Variants in ALYREF observed in about 807,000 individuals in gnomAD.
The protein encoded by ALYREF is Aly/REF export factor, also known as THO complex subunit 4.
In ALYREF, 1 loss-of-function variant was observed where a neutral mutation model predicts 25.2. The ratio of observed to expected loss-of-function variants is 0.04; its 90% CI spans 0.01 to 0.19. ALYREF has a LOEUF of 0.19. ALYREF is among the 10% of genes least tolerant of loss of function. The pLI is 1.00. For synonymous variants in ALYREF, 193 were observed against 153.5 expected (o/e 1.26, Z -1.90); for missense variants, 328 against 375.6 (o/e 0.87, Z 1.05).
At chr17:81,890,516 C>T (rs1387689128) in intron 2 of ALYREF, among the ~76,000 whole-genome samples, 173 bp downstream of exon 2, 1 of 152,220 alleles carries the variant, frequency 6.6e-6, no homozygotes, top group East Asian at 1.9e-4. Flanking sequence ...GCTAGGCTCG[C>T]ACCTGCCTGC....
intron 3 of ALYREF, 127 bp downstream of exon 3, chr17:81,889,053 AAG>A: frequency 6.8e-7 from 1 of 1,471,922 alleles, no homozygotes; most frequent in Non-Finnish European, 9.1e-7. Flanking sequence ...TGGCAGATGG[AAG>A]AGAGAGACAA....
intron 2 of ALYREF, 120 bp from the exon 3 acceptor site, chr17:81,889,449 G>C: frequency 8.6e-7 from 1 of 1,169,438 alleles, no homozygotes; most frequent in Non-Finnish European, 1.2e-6. Flanking sequence ...AGGCAGGACA[G>C]TGGTTAACGG....
At chr17:81,889,420 T>C in intron 2 of ALYREF, 91 bp from the exon 3 acceptor site, 3 of 1,464,034 alleles carry the variant, frequency 2.0e-6, no homozygotes, top group Non-Finnish European at 2.8e-6. Flanking sequence ...GTGAGTTGCT[T>C]TGGGGGTGGT....
chr17:81,889,432 C>G, intron 2 of ALYREF, 103 bp from the exon 3 acceptor site: 2 of 1,350,162 alleles, frequency 1.5e-6, no homozygotes. Flanking sequence ...GGGGGTGGTT[C>G]TCTGGGAGGC....
intron 1 of ALYREF, 65 bp from the exon 2 acceptor site, chr17:81,890,885 C>T: frequency 6.2e-7 from 1 of 1,607,572 alleles, no homozygotes; most frequent in Non-Finnish European, 8.5e-7. Flanking sequence ...CTGACCCTCA[C>T]GGCTACTCCG....
intron 2 of ALYREF, chr17:81,889,860 C>G (rs1207802713): frequency 6.5e-6 from 1 of 154,798 alleles, no homozygotes; most frequent in Non-Finnish European, 1.4e-5. Flanking sequence ...TGACCTCAGG[C>G]AGGCTGGGAG....
rs193202460 is a variant in ALYREF, at chr17:81,888,078, G to A, written c.*53C>T. ...GCCCCAGCCACCGCCCCCCAACCAG[G>A]GAGCAAGAGGAGACGCCTGGGTCCT... On this transcript the variant is annotated 3_prime_UTR_variant, in exon 6 of 6. Coordinates refer to ENST00000505490, the MANE Select transcript of ALYREF (RefSeq NM_005782.4). This position sits in a 1 kb window ranked among gnomAD's most constrained non-coding sequence, Gnocchi z 5.8. 424 of 1,612,230 alleles carry A rather than the reference G, an allele frequency of 2.6e-4. No individual in the cohort carries two copies. Among genetic ancestry groups the A allele is most frequent in the Middle Eastern group, 5.6e-4 (3 of 5,370 alleles).
At chr17:81,891,076 C>A in intron 1 of ALYREF, 1 of 669,876 alleles carries the variant, frequency 1.5e-6, no homozygotes, top group South Asian at 2.0e-5. Context: ...TCTCCTGCCA[C>A]GAGGCCCCAA....
rs1463422395 is a variant in ALYREF at position 81,888,020 on chromosome 17, CAT to C, written c.*109_*110del. The C allele has an allele frequency of 2.9e-6, 3 of 1,037,926 alleles. No homozygotes were observed. In the African/African-American group the frequency reaches 5.1e-5, roughly 18 times the overall value. 64.3% of individuals were successfully genotyped at this position (1,037,926 alleles called of 1,614,324 possible). ...TGAGTTTTTAAATCCTATTTTAAAA[CAT>C]AAAAGAAACAAATCCATCATTGGCC... On this transcript the variant is annotated 3_prime_UTR_variant, in exon 6 of 6. Coordinates refer to ENST00000505490, the MANE Select transcript of ALYREF (RefSeq NM_005782.4). The surrounding 1 kb of genome is among the most constrained non-coding windows in gnomAD (Gnocchi z 5.8).
chr17:81,890,354 CA>C (rs1278845680), intron 2 of ALYREF, among the ~76,000 whole-genome samples: 2 of 152,104 alleles, frequency 1.3e-5, no homozygotes, highest in African/African-American at 4.8e-5. Flanking sequence ...AAGACAGGCA[CA>C]AAATTTAAAA....
chr17:81,889,065 A>G (rs2039468111), intron 3 of ALYREF, 117 bp downstream of exon 3: 2 of 1,486,624 alleles, frequency 1.3e-6, no homozygotes, highest in Non-Finnish European at 1.8e-6. Flanking sequence ...GAGAGAGACA[A>G]AGGGGCAAAT....
chr17:81,890,671 G>T lies in ALYREF; in HGVS notation c.390+18C>A. 2 of 1,612,278 alleles carry T rather than the reference G, an allele frequency of 1.2e-6. No individual in the cohort carries two copies. On this transcript the variant is annotated intron_variant, in intron 2 of 5. Transcript: ENST00000505490. ...CTGTGCAGGGCGAACGGCTCACCGA[G>T]AAGCCCTCGTCTCTTACCTGAATAT...
chr17:81,891,422 C>T lies in ALYREF; in HGVS notation c.159G>A (p.Ala53=). The T allele has an allele frequency of 9.8e-7, 1 of 1,022,626 alleles. No individual in the cohort carries two copies. The highest frequency in any genetic ancestry group is 1.2e-6 in the Non-Finnish European group (1 of 856,896). 63.3% of individuals were successfully genotyped at this position (1,022,626 alleles called of 1,614,324 possible). ...TGGGCCCGCCGCCTCGATTCACTCG[C>T]GCGGCGGCCTGCGCCCCACCGCCGC... ...GGRGGGAQAA[A]RVNRGGGPIR... The change falls in exon 1 of 6, where the codon GCG becomes GCA. Residue 53 remains alanine, a synonymous_variant. Coordinates refer to ENST00000505490, the MANE Select transcript of ALYREF (RefSeq NM_005782.4).
At position 81,890,833 on chromosome 17, in the gene ALYREF, C is replaced by T. The variant is rs2039506897; in HGVS notation, c.259-13G>A. 6.2e-7 allele frequency: 1 copy of T among 1,613,720 alleles called. No homozygotes were observed. The highest frequency in any genetic ancestry group is 1.1e-5 in the South Asian group (1 of 91,060). ...GAAGTTGTTTTGGCTGAAAAAAAAA[C>T]CGCAACAAGAGCAGATCTGTGAGTC... On this transcript the variant is annotated splice_polypyrimidine_tract_variant and intron_variant, in intron 1 of 5. Coordinates refer to ENST00000505490, the MANE Select transcript of ALYREF (RefSeq NM_005782.4).
chr17:81,888,884 T>C lies in ALYREF; in HGVS notation c.538+298A>G. ...CGAAGAAGAACCGGTACCTTTGTCT[T>C]TACGACTACAGCCCCGCACTCAGAG... On this transcript the variant is annotated intron_variant, in intron 3 of 5. Coordinates refer to ENST00000505490, the MANE Select transcript of ALYREF (RefSeq NM_005782.4). This position sits in a 1 kb window ranked among gnomAD's most constrained non-coding sequence, Gnocchi z 5.8. 7.1e-7 allele frequency: 1 copy of C among 1,407,702 alleles called. No individual in the cohort carries two copies. The highest frequency in any genetic ancestry group is 2.6e-5 in the East Asian group (1 of 38,754). 87.2% of individuals were successfully genotyped at this position (1,407,702 alleles called of 1,614,324 possible).
At chr17:81,889,463 A>G in intron 2 of ALYREF, 134 bp from the exon 3 acceptor site, 1 of 1,034,348 alleles carries the variant, frequency 9.7e-7, no homozygotes, top group Non-Finnish European at 1.4e-6. Context: ...TTAACGGGAA[A>G]TGAGGGAAGG....
Position 81,888,485 on chromosome 17 carries a change from G to A in ALYREF, c.602+35C>T, listed in dbSNP as rs558544991. On this transcript the variant is annotated intron_variant, in intron 4 of 5. Transcript: ENST00000505490. This position sits in a 1 kb window ranked among gnomAD's most constrained non-coding sequence, Gnocchi z 5.8. Reference sequence around the variant, plus strand: ...CTAAGAGCGACGCAGCCTCACCCTCGGCCAATCCCCTTCCCCAGAGGCCCC... The same window carrying A: ...CTAAGAGCGACGCAGCCTCACCCTCAGCCAATCCCCTTCCCCAGAGGCCCC... The A allele has an allele frequency of 2.2e-5, 36 of 1,602,768 alleles. No individual in the cohort carries two copies. Among genetic ancestry groups the A allele is most frequent in the African/African-American group, 2.7e-5 (2 of 74,764 alleles).
chr17:81,888,217 C>T lies in ALYREF; in HGVS notation c.780+24G>A, dbSNP rs1333885353. On this transcript the variant is annotated intron_variant, in intron 5 of 5. Transcript: ENST00000505490. The surrounding 1 kb of genome is among the most constrained non-coding windows in gnomAD (Gnocchi z 5.8). ...CCCCACTGCGGCTTTGACCAGGCCC[C>T]CAGCTGGCTCCCCCGGGACTCACTC... The T allele has an allele frequency of 6.2e-7, 1 of 1,613,780 alleles. No homozygotes were observed. The highest frequency in any genetic ancestry group is 2.2e-5 in the East Asian group (1 of 44,888).
In ALYREF at chr17:81,888,699, T is replaced by G. The variant is rs1027049628; in HGVS notation, c.539-116A>C. Reference sequence around the variant, plus strand: ...GGAAAGGGCCTCTGTGCGTCTCAAATGCCCCCGACAAGGGAAATGGCCTGG... The same window carrying G: ...GGAAAGGGCCTCTGTGCGTCTCAAAGGCCCCCGACAAGGGAAATGGCCTGG... On this transcript the variant is annotated intron_variant, in intron 3 of 5. Coordinates refer to ENST00000505490, the MANE Select transcript of ALYREF (RefSeq NM_005782.4). The surrounding 1 kb of genome is among the most constrained non-coding windows in gnomAD (Gnocchi z 5.8). The G allele has an allele frequency of 6.6e-7, 1 of 1,506,686 alleles. No homozygotes were observed. The highest frequency in any genetic ancestry group is 1.4e-5 in the African/African-American group (1 of 72,054). The allele number at this position is 1,506,686 out of a possible 1,614,324, so 93.3% of individuals were successfully genotyped here. A position where few individuals can be genotyped will look rare whatever the true frequency, so the allele number is the denominator to read the frequency against.
Sources: gnomAD v4.1 joint callset for allele counts (sites outside exome capture counted in the v4.1 genomes callset) on GRCh38, gnomAD v4.1.1 for gene constraint, Gnocchi (gnomAD v3.1) non-coding constraint, MANE v1.5 for transcripts, NCBI Gene and HGNC (gene_info 2026-07-23, HGNC 2026-07-21) for gene names.